The following MACROD2 variants were observed in gnomAD, a reference collection of about 807,000 sequenced individuals.
MACROD2 encodes mono-ADP ribosylhydrolase 2, also known as ADP-ribose glycohydrolase MACROD2.
A neutral mutation model predicts 70.4 loss-of-function variants in MACROD2; 36 were observed. The ratio of observed to expected loss-of-function variants is 0.51; its 90% confidence interval spans 0.39 to 0.68. MACROD2 has a LOEUF of 0.68. Ranked by LOEUF, MACROD2 falls within the 30% of genes least tolerant of loss-of-function variation. The probability of loss-of-function intolerance (pLI) is 0.00; values close to 1 mark genes in which losing one functional copy is unlikely to be tolerated. For synonymous variants in MACROD2, 172 were observed against 178.8 expected (o/e 0.96, Z 0.30); for missense variants, 496 against 538.4 (o/e 0.92, Z 0.78).
intron 15 of MACROD2, among the ~76,000 whole-genome samples, chr20:16,023,249 G>T (rs2067028044): frequency 6.6e-6 from 1 of 152,114 alleles, no homozygotes; most frequent in Non-Finnish European, 1.5e-5. Flanking sequence ...GCTGAGGCAG[G>T]CAGATTACGA....
intron 3 of MACROD2, among the ~76,000 whole-genome samples, chr20:14,199,284 A>T (rs1304046367): frequency 2.6e-5 from 4 of 152,248 alleles, no homozygotes; most frequent in Non-Finnish European, 5.9e-5. Flanking sequence ...AGGGTTCTGC[A>T]CTTAGAGCTT....
chr20:14,655,319 C>CTGTGTGTG (rs11470954), intron 4 of MACROD2, among the ~76,000 whole-genome samples: 8,626 of 141,540 alleles, frequency 0.061, 311 homozygotes, highest in South Asian at 0.13. Context: ...AAAGTGGACA[C>CTGTGTGTG]TGTGTGTGTG....
chr20:14,396,811 G>C (rs2083584880), intron 3 of MACROD2, among the ~76,000 whole-genome samples: 1 of 150,504 alleles, frequency 6.6e-6, no homozygotes, highest in Admixed American at 6.6e-5. Flanking sequence ...TGTAGTTCCA[G>C]CTACTCGGGA....
chr20:14,803,537 A>G (rs1600678836), intron 5 of MACROD2, among the ~76,000 whole-genome samples: 3 of 152,098 alleles, frequency 2.0e-5, no homozygotes, highest in Admixed American at 1.3e-4. Context: ...CTGGAGTTCA[A>G]TGGTGCAATC....
intron 3 of MACROD2, among the ~76,000 whole-genome samples, chr20:14,313,912 C>G (rs1012658361): frequency 6.6e-6 from 1 of 152,066 alleles, no homozygotes; most frequent in Non-Finnish European, 1.5e-5. Flanking sequence ...AAATACAAGA[C>G]TATAGTTGCC....
chr20:15,836,268 G>T (rs1056036782), intron 8 of MACROD2, among the ~76,000 whole-genome samples: 1 of 152,186 alleles, frequency 6.6e-6, no homozygotes, highest in Non-Finnish European at 1.5e-5. Context: ...ATGTGAATCA[G>T]ATTGGCCATG....
At chr20:15,305,297 A>T (rs2077686977) in intron 6 of MACROD2, among the ~76,000 whole-genome samples, 1 of 151,958 alleles carries the variant, frequency 6.6e-6, no homozygotes. Context: ...CCTATTGAAC[A>T]TATTTACATT....
At chr20:14,806,033 C>T (rs1472628399) in intron 5 of MACROD2, among the ~76,000 whole-genome samples, 1 of 151,574 alleles carries the variant, frequency 6.6e-6, no homozygotes, top group Non-Finnish European at 1.5e-5. Flanking sequence ...AAAATAGTGC[C>T]TGGTACATAG....
chr20:14,737,962 T>C lies in MACROD2; in HGVS notation c.418+53003T>C, dbSNP rs994338909. ...CAAAATAGCAATACATGCTAGGAGT[T>C]AGTTGTTTATTATGTCCTCTACACA... On this transcript the variant is annotated intron_variant, in intron 5 of 17. Coordinates refer to ENST00000684519, the MANE Select transcript of MACROD2 (RefSeq NM_001351661.2). Among the ~76,000 whole-genome samples, 94 of 152,322 alleles carry C rather than the reference T, an allele frequency of 6.2e-4. 1 individual carries two copies. Among genetic ancestry groups the C allele is most frequent in the African/African-American group, 2.2e-3 (90 of 41,578 alleles).
chr20:16,046,960 G>A (rs142520447), intron 17 of MACROD2, among the ~76,000 whole-genome samples: 61 of 152,164 alleles, frequency 4.0e-4, no homozygotes, highest in African/African-American at 1.5e-3. Context: ...GGGATTAAAG[G>A]CCAGGTATCA....
intron 6 of MACROD2, among the ~76,000 whole-genome samples, chr20:15,330,819 G>C (rs1300862501): frequency 2.6e-5 from 4 of 151,524 alleles, no homozygotes; most frequent in Non-Finnish European, 5.9e-5. Context: ...AAGCTCAGAA[G>C]GCATCTCAAG....
chr20:14,076,172 A>C (rs2053913936), intron 2 of MACROD2, among the ~76,000 whole-genome samples: 1 of 152,174 alleles, frequency 6.6e-6, no homozygotes, highest in South Asian at 2.1e-4. Context: ...ATTTGTTTGT[A>C]TATGTTTATG....
chr20:14,924,436 C>A (rs1397230355), intron 5 of MACROD2, among the ~76,000 whole-genome samples: 1 of 149,288 alleles, frequency 6.7e-6, no homozygotes, highest in African/African-American at 2.5e-5. Context: ...AATACTCTGC[C>A]TCAAAAAATA....
intron 4 of MACROD2, among the ~76,000 whole-genome samples, chr20:14,533,653 A>G (rs1342709456): frequency 6.6e-6 from 1 of 152,254 alleles, no homozygotes; most frequent in Admixed American, 6.5e-5. Flanking sequence ...ATAATTAAAA[A>G]ACAAGTTTCT....
chr20:15,505,370 A>C (rs2047413158), intron 8 of MACROD2, among the ~76,000 whole-genome samples: 1 of 152,126 alleles, frequency 6.6e-6, no homozygotes, highest in Non-Finnish European at 1.5e-5. Flanking sequence ...TGGAACCCTA[A>C]AGTACTGATC....
intron 3 of MACROD2, among the ~76,000 whole-genome samples, chr20:14,475,143 G>A (rs186628375): frequency 6.6e-6 from 1 of 151,272 alleles, no homozygotes; most frequent in African/African-American, 2.4e-5. Context: ...TTACTTTGTG[G>A]TTACCGTGAG....
intron 3 of MACROD2, among the ~76,000 whole-genome samples, chr20:14,126,116 G>A (rs1471372476): frequency 6.6e-6 from 1 of 152,102 alleles, no homozygotes; most frequent in Non-Finnish European, 1.5e-5. Flanking sequence ...CCATAGATGG[G>A]GTGACTTAAA....
At chr20:15,126,570 A>G (rs2076068706) in intron 5 of MACROD2, among the ~76,000 whole-genome samples, 1 of 152,154 alleles carries the variant, frequency 6.6e-6, no homozygotes, top group Non-Finnish European at 1.5e-5. Context: ...AAAATGCAAG[A>G]ATTCAAATAG....
chr20:15,654,783 G>T (rs966132149), intron 8 of MACROD2, among the ~76,000 whole-genome samples: 3 of 152,164 alleles, frequency 2.0e-5, no homozygotes, highest in Non-Finnish European at 4.4e-5. Flanking sequence ...AGCTTGGGAG[G>T]GTGCCAATTA....
Sources: allele counts gnomAD v4.1 joint callset (sites outside exome capture counted in the v4.1 genomes callset), GRCh38; gene constraint gnomAD v4.1.1; transcripts MANE v1.5; gene names NCBI Gene and HGNC (gene_info 2026-07-23, HGNC 2026-07-21).